The following IGF2R variants were observed in gnomAD, a reference collection of about 807,000 sequenced individuals.
IGF2R encodes cation-independent mannose-6-phosphate receptor.
Under a neutral mutation model 270.6 loss-of-function variants are expected in IGF2R, and 91 were observed. That is an observed-to-expected ratio of 0.34 (90% CI 0.28 to 0.40). The LOEUF (loss-of-function observed/expected upper bound fraction) is 0.40, where lower values mean the gene tolerates loss of function less well. IGF2R is among the 10% of genes least tolerant of loss of function. IGF2R has a pLI of 1.00. For synonymous variants in IGF2R, 1,316 were observed against 1,258.9 expected, an observed-to-expected ratio of 1.05 and a Z score of -0.96; for missense variants, 2,805 against 3,188.3, an observed-to-expected ratio of 0.88 and a Z score of 2.90.
chr6:160,028,882 A>G (rs568636470), intron 6 of IGF2R, among the ~76,000 whole-genome samples: 1 of 146,988 alleles, frequency 6.8e-6, no homozygotes, highest in African/African-American at 2.5e-5. Context: ...TGCTTGTTTT[A>G]GTCAAATGGT....
intron 44 of IGF2R, chr6:160,093,787 T>C: frequency 1.3e-6 from 1 of 742,406 alleles, no homozygotes; most frequent in Non-Finnish European, 2.5e-6. Context: ...TGGATAAAGA[T>C]AACAAGATCT....
In IGF2R at chr6:160,088,097, C is replaced by T. The variant is rs376030459; in HGVS notation, c.6270C>T (p.Ser2090=). 122 of 1,614,016 alleles carry T rather than the reference C, an allele frequency of 7.6e-5. 1 individual carries two copies. The East Asian group carries it at 1.3e-3, about 17-fold the overall frequency. ...GTGGTGGAAATAAGACCGCATCCTC[C>T]GTGATAGAATTGACCTGTACAAAGA... ...YPCGGNKTAS[S]VIELTCTKTV... The change falls in exon 42 of 48, where the codon TCC becomes TCT. Residue 2090 remains serine (S), a synonymous_variant. Transcript: ENST00000356956.
At chr6:160,023,570 G>A (rs1298416191) in intron 4 of IGF2R, among the ~76,000 whole-genome samples, 1 of 152,148 alleles carries the variant, frequency 6.6e-6, no homozygotes, top group African/African-American at 2.4e-5. Context: ...GCCCCATGAA[G>A]GAATAACTGT....
At chr6:160,083,415 A>C (rs921977636) in intron 39 of IGF2R, among the ~76,000 whole-genome samples, 1 of 152,198 alleles carries the variant, frequency 6.6e-6, no homozygotes, top group African/African-American at 2.4e-5. Flanking sequence ...AGGGGCAAGC[A>C]GGAGAAAGTG....
chr6:160,059,831 T>A (rs543490170), intron 22 of IGF2R, among the ~76,000 whole-genome samples: 7 of 152,392 alleles, frequency 4.6e-5, no homozygotes, highest in African/African-American at 1.4e-4. Flanking sequence ...CTCCTCGCTC[T>A]GCAACCAGCA....
intron 31 of IGF2R, among the ~76,000 whole-genome samples, chr6:160,071,380 G>A (rs1208472953): frequency 6.6e-6 from 1 of 152,160 alleles, no homozygotes; most frequent in Non-Finnish European, 1.5e-5. Context: ...GTTTACCTGG[G>A]AAGGAAGGTG....
chr6:160,087,622 C>G (rs776537161), intron 41 of IGF2R, among the ~76,000 whole-genome samples: 2 of 152,144 alleles, frequency 1.3e-5, no homozygotes, highest in African/African-American at 4.8e-5. Flanking sequence ...TTTCTTCTGG[C>G]CTTTAAACCA....
chr6:160,047,519 A>G (rs576123978), intron 16 of IGF2R, among the ~76,000 whole-genome samples, 183 bp downstream of exon 16: 1 of 152,328 alleles, frequency 6.6e-6, no homozygotes, highest in Admixed American at 6.5e-5. Flanking sequence ...GTGCACCTTA[A>G]TAACAGCCCA....
At chr6:159,975,316 C>T (rs1278669436) in intron 1 of IGF2R, among the ~76,000 whole-genome samples, 1 of 152,136 alleles carries the variant, frequency 6.6e-6, no homozygotes, top group Non-Finnish European at 1.5e-5. Context: ...ATGTTTAGGG[C>T]GAGGTATTGG....
chr6:160,044,655 C>T lies in IGF2R; in HGVS notation c.1763C>T (p.Pro588Leu), dbSNP rs1371290245. 6.3e-7 allele frequency: 1 copy of T among 1,595,390 alleles called. No homozygotes were observed. The highest frequency in any genetic ancestry group is 8.5e-7 in the Non-Finnish European group (1 of 1,174,996). The change falls in exon 13 of 48, where the codon CCA (proline) becomes CTA (leucine). Residue 588 changes from proline to leucine, a missense_variant and splice_region_variant. Transcript: ENST00000356956. ...IKTNITLVCK[P>L]GDLESAPVLR... ...ACTAATATCACACTTGTATGCAAGC[C>T]AGGTAAAAATTTTAAAAAAGATGAA...
intron 10 of IGF2R, among the ~76,000 whole-genome samples, chr6:160,038,907 C>T (rs537193222): frequency 2.0e-5 from 3 of 152,234 alleles, no homozygotes; most frequent in South Asian, 2.1e-4. Context: ...GTTATGAGCA[C>T]GGATGAGGGC....
intron 9 of IGF2R, among the ~76,000 whole-genome samples, 198 bp from the exon 10 acceptor site, chr6:160,034,221 C>CAA: frequency 6.6e-6 from 1 of 152,174 alleles, no homozygotes; most frequent in South Asian, 2.1e-4. Flanking sequence ...TACTTTGAAG[C>CAA]GAGAGGATGT....
At chr6:160,028,811 C>G (rs184775346) in intron 6 of IGF2R, among the ~76,000 whole-genome samples, 93 of 150,732 alleles carry the variant, frequency 6.2e-4, no homozygotes, top group Non-Finnish European at 6.3e-4. Flanking sequence ...AAAAATGCAC[C>G]TGGCCTGCTT....
intron 1 of IGF2R, among the ~76,000 whole-genome samples, chr6:159,980,224 A>AAGAAAGGAAGAAAGGAAGGAAGG (rs1351035824): frequency 9.2e-6 from 1 of 108,610 alleles, no homozygotes; most frequent in African/African-American, 3.7e-5. Context: ...AGAAAGAAAG[A>AAGAAAGGAAGAAAGGAAGGAAGG]AAGAAAGAAA....
chr6:160,103,988 A>AT (rs933099404), intron 47 of IGF2R, among the ~76,000 whole-genome samples, 173 bp downstream of exon 47: 7 of 151,332 alleles, frequency 4.6e-5, no homozygotes, highest in Non-Finnish European at 1.0e-4. Flanking sequence ...TTTTTTTGTT[A>AT]TTTTTTTCCC....
At chr6:160,048,625 C>A in intron 18 of IGF2R, 82 bp downstream of exon 18, 1 of 1,422,990 alleles carries the variant, frequency 7.0e-7, no homozygotes, top group Non-Finnish European at 9.6e-7. Flanking sequence ...CTGGGACATC[C>A]AGATCAAAGG....
chr6:160,068,221 A>G, intron 29 of IGF2R, 28 bp from the exon 30 acceptor site: 1 of 1,613,476 alleles, frequency 6.2e-7, no homozygotes, highest in South Asian at 1.1e-5. Context: ...GACCAAGCCT[A>G]ACTAACTGCG....
chr6:160,072,220 C>G (rs1340713659), intron 32 of IGF2R, among the ~76,000 whole-genome samples, 184 bp downstream of exon 32: 2 of 152,180 alleles, frequency 1.3e-5, no homozygotes, highest in Non-Finnish European at 2.9e-5. Flanking sequence ...TCTCCTGGCT[C>G]TCCTTCAGTG....
At chr6:160,089,805 A>AG (rs1779178956) in intron 43 of IGF2R, 111 bp from the exon 44 acceptor site, 21 of 663,588 alleles carry the variant, frequency 3.2e-5, no homozygotes, top group Non-Finnish European at 4.1e-5. Flanking sequence ...TCCTTTCCCT[A>AG]GGAAAGGAAG....
Sources: allele counts gnomAD v4.1 joint callset (sites outside exome capture counted in the v4.1 genomes callset), GRCh38; gene constraint gnomAD v4.1.1; transcripts MANE v1.5; gene names NCBI Gene and HGNC (gene_info 2026-07-23, HGNC 2026-07-21).